Variants in TACC2 observed in about 807,000 individuals in gnomAD.
The protein encoded by TACC2 is transforming acidic coiled-coil-containing protein 2.
Under a neutral mutation model 227.3 loss-of-function variants are expected in TACC2, and 137 were observed. The ratio of observed to expected loss-of-function variants is 0.60; its 90% confidence interval spans 0.52 to 0.69. The LOEUF (loss-of-function observed/expected upper bound fraction) is 0.69. Ranked by LOEUF, TACC2 falls within the 30% of genes least tolerant of loss-of-function variation. TACC2 has a pLI of 0.00. For synonymous variants in TACC2, 1,523 were observed against 1,487.5 expected, an observed-to-expected ratio of 1.02 and a Z score of -0.55; for missense variants, 3,470 against 3,694.4, an observed-to-expected ratio of 0.94 and a Z score of 1.57.
chr10:121,993,220 A>G (rs1220955173), intron 1 of TACC2, among the ~76,000 whole-genome samples: 1 of 152,240 alleles, frequency 6.6e-6, no homozygotes, highest in Non-Finnish European at 1.5e-5. Context: ...TAGTTATTAT[A>G]AAACTCAGTC....
rs138972017 is a variant in TACC2 at position 122,183,351 on chromosome 10, C to T, written c.5835-11689C>T. Among the ~76,000 whole-genome samples, 13 of 152,272 alleles carry T rather than the reference C, an allele frequency of 8.5e-5. No homozygotes were observed. The East Asian group carries it at 2.5e-3, about 29-fold the overall frequency. On this transcript the variant is annotated intron_variant, in intron 7 of 22. Transcript: ENST00000369005. ...TGAGATTAGTCATCCTCTCAGTCTCCCGTTGGCTCTATGATGGTGTTGCCC... is the reference window on the plus strand; with the variant it reads ...TGAGATTAGTCATCCTCTCAGTCTCTCGTTGGCTCTATGATGGTGTTGCCC...
chr10:122,195,109 A>ACC lies in TACC2; in HGVS notation c.5908_5909dup (p.Pro1971HisfsTer61). 1 of 1,585,148 alleles carries ACC rather than the reference A, an allele frequency of 6.3e-7. No homozygotes were observed. Among genetic ancestry groups the ACC allele is most frequent in the Non-Finnish European group, 8.6e-7 (1 of 1,159,316 alleles). On this transcript the variant is annotated frameshift_variant, in exon 8 of 23. Coordinates refer to ENST00000369005, the MANE Select transcript of TACC2 (RefSeq NM_206862.4). LOFTEE classifies it high-confidence loss of function. Reference sequence around the variant, plus strand: ...CCCCTGTCAAAGCTCCGCCAGCTCCACCCCCACCACCCCCCGAAGTCATCC... The same window carrying ACC: ...CCCCTGTCAAAGCTCCGCCAGCTCCACCCCCCCACCACCCCCCGAAGTCATCC...
intron 2 of TACC2, among the ~76,000 whole-genome samples, chr10:122,030,891 C>G (rs542389353): frequency 7.2e-5 from 11 of 152,150 alleles, no homozygotes; most frequent in Admixed American, 6.5e-4. Context: ...AGAGCCACCG[C>G]GAGTCCCTCC....
In TACC2 at chr10:122,132,885, C is replaced by T. The variant is rs574570747; in HGVS notation, c.5699+151C>T. 2.1e-4 allele frequency: 159 copies of T among 743,114 alleles called. 1 individual carries two copies. The South Asian group carries it at 2.4e-3, about 11-fold the overall frequency. 46.0% of individuals were successfully genotyped at this position (743,114 alleles called of 1,614,324 possible). On this transcript the variant is annotated intron_variant, in intron 6 of 22. Transcript: ENST00000369005. The stretch of plus-strand genomic sequence containing the variant: ...ACACACACAGGGTGTGCACACCTGT[C>T]CTGAACAGGTGTGTGCCAGAGTTGG...
At chr10:122,075,285 G>A (rs991648854) in intron 3 of TACC2, among the ~76,000 whole-genome samples, 5 of 151,744 alleles carry the variant, frequency 3.3e-5, no homozygotes, top group Non-Finnish European at 7.4e-5. Flanking sequence ...ACCTACCCCC[G>A]AACCATCCTT....
rs2080072561 is a variant in TACC2 at position 122,086,133 on chromosome 10, T to C, written c.3633T>C (p.Ser1211=). The C allele has an allele frequency of 6.2e-7, 1 of 1,613,414 alleles. No homozygotes were observed. Among genetic ancestry groups the C allele is most frequent in the Admixed American group, 1.7e-5 (1 of 59,996 alleles). Residue 1211 remains serine (S), a synonymous_variant, in exon 4 of 23, where the codon TCT becomes TCC. Coordinates refer to ENST00000369005, the MANE Select transcript of TACC2 (RefSeq NM_206862.4). The part of the protein sequence containing the change: ...GGIPRSTMDF[S]THQAVPDPKE... ...TTCCCAGGAGCACCATGGATTTTTC[T>C]ACACACCAGGCTGTCCCAGACCCAA...
chr10:122,239,992 G>A (rs960410699), intron 18 of TACC2, among the ~76,000 whole-genome samples: 18 of 152,332 alleles, frequency 1.2e-4, no homozygotes, highest in African/African-American at 3.4e-4. Context: ...GCTGCGGAGT[G>A]TGATGCTTGG....
At chr10:122,008,266 T>TATTATTATTATTATTATTATTA (rs1554958022) in intron 1 of TACC2, among the ~76,000 whole-genome samples, 1 of 139,792 alleles carries the variant, frequency 7.2e-6, no homozygotes, top group African/African-American at 2.7e-5. Flanking sequence ...TTATTATTAT[T>TATTATTATTATTATTATTATTA]TTTTTTTTTT....
At chr10:122,013,594 G>A (rs897164089) in intron 1 of TACC2, among the ~76,000 whole-genome samples, 3 of 152,200 alleles carry the variant, frequency 2.0e-5, no homozygotes, top group Non-Finnish European at 2.9e-5. Flanking sequence ...GCAGCCACGG[G>A]AGCTGCTGGG....
intron 9 of TACC2, among the ~76,000 whole-genome samples, chr10:122,214,667 C>T (rs568412623): frequency 5.1e-4 from 77 of 152,342 alleles, no homozygotes; most frequent in African/African-American, 1.8e-3. Flanking sequence ...CTGGGATCTG[C>T]TTCCTTGACC....
At chr10:122,233,667 A>C (rs571058818) in intron 16 of TACC2, among the ~76,000 whole-genome samples, 1 of 152,246 alleles carries the variant, frequency 6.6e-6, no homozygotes, top group African/African-American at 2.4e-5. Flanking sequence ...AAAAGGAGGG[A>C]GACGTGATGC....
At chr10:122,168,784 C>T (rs1194386905) in intron 7 of TACC2, among the ~76,000 whole-genome samples, 1 of 152,220 alleles carries the variant, frequency 6.6e-6, no homozygotes, top group Admixed American at 6.5e-5. Flanking sequence ...TTTCTTTCCA[C>T]TGTCTACAGC....
chr10:122,085,954 G>A lies in TACC2; in HGVS notation c.3454G>A (p.Glu1152Lys). The A allele has an allele frequency of 3.7e-6, 6 of 1,613,766 alleles. No individual in the cohort carries two copies. Among genetic ancestry groups the A allele is most frequent in the Non-Finnish European group, 5.1e-6 (6 of 1,179,830 alleles). ...GCAGCAGGCTCCGGAGAAACCTGGA[G>A]AAGCTACTTTGAGTTGTGGCCTCCT... ...GKQQAPEKPGEATLSCGLLQT... is the reference protein window; with the variant it reads ...GKQQAPEKPGKATLSCGLLQT... The change falls in exon 4 of 23, where the codon GAA becomes AAA. Residue 1152 changes from glutamate (E) to lysine (K), a missense_variant. Coordinates refer to ENST00000369005, the MANE Select transcript of TACC2 (RefSeq NM_206862.4).
At position 122,087,287 on chromosome 10, in the gene TACC2, C is replaced by T; in HGVS notation, c.4787C>T (p.Ser1596Phe). The T allele has an allele frequency of 6.2e-7, 1 of 1,613,900 alleles. No individual in the cohort carries two copies. Among genetic ancestry groups the T allele is most frequent in the Non-Finnish European group, 8.5e-7 (1 of 1,180,032 alleles). ...GCCGTGGCCCAAGACAGAATTCCTT[C>T]TGGAAAGCAGCACCAGGAAACATCT... ...EEAVAQDRIPSGKQHQETSAC... is the reference protein window; with the variant it reads ...EEAVAQDRIPFGKQHQETSAC... Residue 1596 changes from serine to phenylalanine, a missense_variant, in exon 4 of 23, where the codon TCT becomes TTT. Ser to Phe is a radical substitution (Grantham distance 155). Transcript: ENST00000369005.
At chr10:122,081,199 G>C (rs1280001113) in intron 3 of TACC2, among the ~76,000 whole-genome samples, 1 of 151,818 alleles carries the variant, frequency 6.6e-6, no homozygotes, top group Non-Finnish European at 1.5e-5. Context: ...CTTTGTGTTG[G>C]CCACATATTA....
chr10:122,064,019 G>T (rs138584845), intron 3 of TACC2, among the ~76,000 whole-genome samples: 5,156 of 151,830 alleles, frequency 0.034, 269 homozygotes, highest in African/African-American at 0.11. Flanking sequence ...AAAATTAGCC[G>T]GGCGCGGTGG....
intron 11 of TACC2, among the ~76,000 whole-genome samples, chr10:122,220,872 T>C (rs932053454): frequency 4.6e-5 from 7 of 152,188 alleles, no homozygotes; most frequent in African/African-American, 1.7e-4. Flanking sequence ...GGAACAAGGA[T>C]ACAGAGGCTT....
intron 1 of TACC2, chr10:121,994,620 C>G (rs915549760): frequency 6.6e-6 from 1 of 152,332 alleles, no homozygotes; most frequent in Non-Finnish European, 1.5e-5. Context: ...AGACAGACTG[C>G]GGGTGGAGGG....
Position 122,084,617 on chromosome 10 carries a change from G to T in TACC2, c.2117G>T (p.Gly706Val). The T allele has an allele frequency of 6.2e-7, 1 of 1,613,900 alleles. No homozygotes were observed. The highest frequency in any genetic ancestry group is 8.5e-7 in the Non-Finnish European group (1 of 1,180,050). ...CCTGACACCCTTCAGAGCAGGGAAG[G>T]ATTGGGAAGAATGGAGTCTTTCCTG... The part of the protein sequence containing the change: ...KCPDTLQSRE[G>V]LGRMESFLTL... Residue 706 changes from glycine to valine, a missense_variant, in exon 4 of 23, where the codon GGA (glycine) becomes GTA (valine). Transcript: ENST00000369005.
Sources: allele counts gnomAD v4.1 joint callset (sites outside exome capture counted in the v4.1 genomes callset), GRCh38; gene constraint gnomAD v4.1.1; transcripts MANE v1.5; gene names NCBI Gene and HGNC (gene_info 2026-07-23, HGNC 2026-07-21).